Variants in IRAK1BP1 observed in about 807,000 individuals in gnomAD.
IRAK1BP1 encodes interleukin-1 receptor-associated kinase 1-binding protein 1.
Under a neutral mutation model 28.0 loss-of-function variants are expected in IRAK1BP1, and 24 were observed. The observed-to-expected ratio is 0.86, with a 90% CI of 0.62 to 1.20. The LOEUF is 1.20. Among genes scored for constraint, IRAK1BP1 ranks in the 50% most tolerant of loss-of-function variants. IRAK1BP1 has a pLI of 0.00. For missense variants in IRAK1BP1, 336 were observed against 316.7 expected (o/e 1.06, Z -0.46); for synonymous variants, 131 against 116.3 (o/e 1.13, Z -0.81).
At chr6:78,955,567 T>A in the IRAK1BP1 span, 11 of 664,694 alleles carry the variant, frequency 1.7e-5, no homozygotes, top group Non-Finnish European at 2.6e-5. Context: ...TAAATTTTTT[T>A]ATATAGAGAA....
intron 1 of IRAK1BP1, among the ~76,000 whole-genome samples, chr6:78,881,604 AC>A (rs1771232732): frequency 1.3e-5 from 2 of 152,180 alleles, no homozygotes; most frequent in South Asian, 2.1e-4. Context: ...CCCAGTTCTT[AC>A]AAATGAGTGA....
At chr6:78,952,142 G>T in the IRAK1BP1 span, among the ~76,000 whole-genome samples, 1 of 151,968 alleles carries the variant, frequency 6.6e-6, no homozygotes, top group African/African-American at 2.4e-5. Flanking sequence ...CTTGGCCATC[G>T]GGCATGGTGG....
rs535656349 is a variant in IRAK1BP1, at chr6:78,919,812, A to T, written c.*67+16702A>T. Among the ~76,000 whole-genome samples the T allele has an allele frequency of 6.6e-5, 10 of 151,996 alleles. No individual in the cohort carries two copies. The East Asian group carries it at 1.9e-3, about 29-fold the overall frequency. On this transcript the variant is annotated intron_variant and NMD_transcript_variant, in intron 4 of 4. Transcript: ENST00000606868. ...ATTCCAAAAAAATCAAGGAGGAGGG[A>T]CTCCTCCCTGACTCATTCTATGTAG...
chr6:78,930,582 A>G (rs1773016447), intron 4 of IRAK1BP1, among the ~76,000 whole-genome samples: 1 of 152,186 alleles, frequency 6.6e-6, no homozygotes, highest in African/African-American at 2.4e-5. Context: ...TTTGATTAAT[A>G]TAGGTAGCTG....
intron 4 of IRAK1BP1, among the ~76,000 whole-genome samples, chr6:78,944,592 G>A: frequency 6.6e-6 from 1 of 152,186 alleles, no homozygotes; most frequent in East Asian, 1.9e-4. Flanking sequence ...TTGCTGAAGA[G>A]AAGGCTAGGA....
At chr6:78,945,426 G>T in exon 5 of IRAK1BP1, 3 of 1,610,990 alleles carry the variant, frequency 1.9e-6, no homozygotes, top group Non-Finnish European at 2.5e-6. Flanking sequence ...CTAGTGCCAT[G>T]ACTAAAACTG....
chr6:78,936,207 T>C (rs1773267276), intron 4 of IRAK1BP1: 4 of 151,988 alleles, frequency 2.6e-5, no homozygotes, highest in Non-Finnish European at 1.5e-5. Context: ...TGTTTAAACA[T>C]TGTTTTCTGT....
At chr6:78,915,824 G>A (rs1469017605) in intron 4 of IRAK1BP1, among the ~76,000 whole-genome samples, 1 of 152,006 alleles carries the variant, frequency 6.6e-6, no homozygotes, top group East Asian at 1.9e-4. Context: ...TTCTATCTTG[G>A]CATCTGCTTT....
At chr6:78,872,216 A>G in intron 1 of IRAK1BP1, 1 of 657,430 alleles carries the variant, frequency 1.5e-6, no homozygotes, top group Non-Finnish European at 2.8e-6. Context: ...GCTTGACAAC[A>G]TATCCTTTAG....
exon 5 of IRAK1BP1, chr6:78,946,068 T>G (rs757356544): frequency 6.2e-7 from 1 of 1,612,748 alleles, no homozygotes; most frequent in Admixed American, 1.7e-5. Flanking sequence ...AAGAAGTAGA[T>G]GGTTGCTCAG....
chr6:78,977,677 G>A, the IRAK1BP1 span, among the ~76,000 whole-genome samples: 4,918 of 152,214 alleles, frequency 0.032, 116 homozygotes, highest in Non-Finnish European at 0.051. Context: ...TGGCCATGTT[G>A]AAATAATGTA....
chr6:78,905,306 A>G (rs1165373486), downstream of IRAK1BP1, among the ~76,000 whole-genome samples: 1 of 152,130 alleles, frequency 6.6e-6, no homozygotes, highest in Non-Finnish European at 1.5e-5. Context: ...ACACTGCAAC[A>G]GCCACCTAAA....
the IRAK1BP1 span, among the ~76,000 whole-genome samples, chr6:78,960,484 C>A: frequency 3.2e-3 from 474 of 150,004 alleles, 3 homozygotes; most frequent in African/African-American, 0.011. Flanking sequence ...ACTTCCAACA[C>A]CTGATATTGA....
At chr6:78,978,562 A>T in the IRAK1BP1 span, 1 of 1,544,832 alleles carries the variant, frequency 6.5e-7, no homozygotes, top group East Asian at 2.3e-5. Flanking sequence ...TATGTGAGGA[A>T]AAATGGATAA....
At chr6:78,871,234 A>G (rs1173762902) in intron 1 of IRAK1BP1, 1 of 983,090 alleles carries the variant, frequency 1.0e-6, no homozygotes, top group African/African-American at 1.8e-5. Context: ...AACTGTAGGC[A>G]TAAAATGACC....
intron 4 of IRAK1BP1, among the ~76,000 whole-genome samples, chr6:78,929,162 AC>A (rs1256517451): frequency 2.0e-5 from 3 of 151,940 alleles, no homozygotes; most frequent in Non-Finnish European, 4.4e-5. Flanking sequence ...TTACTGGGAG[AC>A]TTTTCATTAT....
At chr6:78,963,336 CA>C in the IRAK1BP1 span, 1 of 1,070,914 alleles carries the variant, frequency 9.3e-7, no homozygotes, top group Non-Finnish European at 1.3e-6. Context: ...ATAACAGTCA[CA>C]AAATTAAAGT....
the IRAK1BP1 span, among the ~76,000 whole-genome samples, chr6:78,953,603 G>A: frequency 6.6e-6 from 1 of 152,098 alleles, no homozygotes; most frequent in Non-Finnish European, 1.5e-5. Flanking sequence ...TTATCACGCC[G>A]CTGGAATTAA....
intron 4 of IRAK1BP1, among the ~76,000 whole-genome samples, chr6:78,934,466 G>A (rs970909172): frequency 6.6e-6 from 1 of 152,182 alleles, no homozygotes; most frequent in African/African-American, 2.4e-5. Context: ...TACTTTTAAA[G>A]CAATTCACAA....
Sources: gnomAD v4.1 joint callset for allele counts (sites outside exome capture counted in the v4.1 genomes callset) on GRCh38, gnomAD v4.1.1 for gene constraint, MANE v1.5 for transcripts, NCBI Gene and HGNC (gene_info 2026-07-23, HGNC 2026-07-21) for gene names.